The following DOCK4 variants were observed in gnomAD, a reference collection of about 807,000 sequenced individuals.
DOCK4 encodes the protein dedicator of cytokinesis protein 4.
Under a neutral mutation model 268.1 loss-of-function variants are expected in DOCK4, and 97 were observed. The observed-to-expected ratio is 0.36, with a 90% confidence interval of 0.31 to 0.43. The LOEUF is 0.43. Ranked by LOEUF, DOCK4 falls within the 20% of genes least tolerant of loss-of-function variation. The pLI is 1.00. For missense variants in DOCK4, 2,145 were observed against 2,455.7 expected, an observed-to-expected ratio of 0.87 and a Z score of 2.67; for synonymous variants, 954 against 887.2, an observed-to-expected ratio of 1.08 and a Z score of -1.34.
intron 13 of DOCK4, among the ~76,000 whole-genome samples, chr7:111,914,741 T>C (rs925879234): frequency 5.9e-5 from 9 of 152,218 alleles, no homozygotes; most frequent in African/African-American, 2.2e-4. Flanking sequence ...TTACCTACAC[T>C]GGTTTTCACC....
intron 1 of DOCK4, among the ~76,000 whole-genome samples, chr7:112,024,256 A>G (rs1802581841): frequency 6.6e-6 from 1 of 152,206 alleles, no homozygotes; most frequent in African/African-American, 2.4e-5. Flanking sequence ...GGCTTTAAAT[A>G]TCATCTAAAC....
At chr7:111,748,989 A>G (rs1476089973) in intron 42 of DOCK4, among the ~76,000 whole-genome samples, 3 of 152,182 alleles carry the variant, frequency 2.0e-5, no homozygotes, top group African/African-American at 7.2e-5. Flanking sequence ...TATGTTATAT[A>G]ACGTTCAAAA....
chr7:111,870,643 A>T (rs1286429303), intron 20 of DOCK4, among the ~76,000 whole-genome samples: 1 of 152,148 alleles, frequency 6.6e-6, no homozygotes, highest in Admixed American at 6.5e-5. Context: ...TCTAGGAAAC[A>T]GTTTACCCAG....
In DOCK4 at chr7:111,872,360, A is replaced by G. The variant is rs377584556; in HGVS notation, c.1843-8T>C. ...CAGTGTATCCTGCAGAAACTGTTAG[A>G]TAAAGAAGTAGCAAATGAGTAAATA... On this transcript the variant is annotated splice_polypyrimidine_tract_variant and splice_region_variant and intron_variant, in intron 18 of 52. Coordinates refer to ENST00000428084, the MANE Select transcript of DOCK4 (RefSeq NM_001363540.2). 113 of 1,542,700 alleles carry G rather than the reference A, an allele frequency of 7.3e-5. No homozygotes were observed. Among genetic ancestry groups the G allele is most frequent in the Non-Finnish European group, 8.0e-5 (92 of 1,143,396 alleles).
At chr7:111,861,121 G>A (rs1354209014) in intron 23 of DOCK4, among the ~76,000 whole-genome samples, 1 of 152,090 alleles carries the variant, frequency 6.6e-6, no homozygotes, top group African/African-American at 2.4e-5. Flanking sequence ...TGCTCCGTTG[G>A]GACCTACATC....
chr7:112,059,692 T>C lies in DOCK4; in HGVS notation c.38-55561A>G, dbSNP rs898983086. On this transcript the variant is annotated intron_variant, in intron 1 of 52. Coordinates refer to ENST00000428084, the MANE Select transcript of DOCK4 (RefSeq NM_001363540.2). ...CAGAGATAGTTAACTAATGCAATAA[T>C]TGATTCAAGATTTTAGGAAAACATG... is the stretch of plus-strand genomic sequence containing the variant. Among the ~76,000 whole-genome samples, 8 of 152,288 alleles carry C rather than the reference T, an allele frequency of 5.3e-5. No individual in the cohort carries two copies. In the South Asian group the frequency reaches 8.3e-4, roughly 16 times the overall value.
intron 23 of DOCK4, among the ~76,000 whole-genome samples, chr7:111,860,014 A>G (rs953592987): frequency 3.9e-5 from 6 of 152,198 alleles, no homozygotes; most frequent in Non-Finnish European, 7.3e-5. Context: ...CCAGTCAGAC[A>G]GAATCAGCCT....
At chr7:112,019,346 C>T (rs1222672130) in intron 1 of DOCK4, among the ~76,000 whole-genome samples, 1 of 152,100 alleles carries the variant, frequency 6.6e-6, no homozygotes, top group African/African-American at 2.4e-5. Context: ...GACTTTTTCT[C>T]CTTTTATTAA....
At chr7:111,863,623 A>G in intron 22 of DOCK4, 59 bp from the exon 23 acceptor site, 3 of 1,480,644 alleles carry the variant, frequency 2.0e-6, no homozygotes, top group Non-Finnish European at 2.7e-6. Flanking sequence ...AATATGCTGC[A>G]AAACGTCAGT....
At chr7:112,167,059 C>G (rs1162504373) in intron 1 of DOCK4, among the ~76,000 whole-genome samples, 1 of 152,156 alleles carries the variant, frequency 6.6e-6, no homozygotes. Flanking sequence ...AAACACATCT[C>G]CAACAGTTCT....
At chr7:111,941,602 A>G (rs1795197794) in intron 10 of DOCK4, among the ~76,000 whole-genome samples, 1 of 151,992 alleles carries the variant, frequency 6.6e-6, no homozygotes, top group Non-Finnish European at 1.5e-5. Flanking sequence ...TTCTGAGTGG[A>G]GCACTTCAAA....
At chr7:111,898,497 ATTAT>A (rs1264026447) in intron 15 of DOCK4, among the ~76,000 whole-genome samples, 3 of 152,184 alleles carry the variant, frequency 2.0e-5, no homozygotes, top group Non-Finnish European at 4.4e-5. Context: ...TTTCTCAGCT[ATTAT>A]CTGTCTTTCC....
At chr7:112,082,971 T>C (rs886742640) in intron 1 of DOCK4, among the ~76,000 whole-genome samples, 8 of 152,140 alleles carry the variant, frequency 5.3e-5, no homozygotes, top group African/African-American at 1.9e-4. Context: ...AGATGGTCAA[T>C]TTAAAGTCCA....
chr7:112,091,669 A>C (rs1809641100), intron 1 of DOCK4, among the ~76,000 whole-genome samples: 1 of 152,146 alleles, frequency 6.6e-6, no homozygotes. Flanking sequence ...ACCAGCCCTG[A>C]AAAGAGCAGA....
intron 8 of DOCK4, among the ~76,000 whole-genome samples, chr7:111,974,593 G>C (rs781476969): frequency 6.7e-6 from 1 of 148,738 alleles, no homozygotes; most frequent in African/African-American, 2.5e-5. Context: ...GGGATGGGGA[G>C]GAGGGTGACA....
chr7:111,813,563 C>A (rs758053811), intron 27 of DOCK4, among the ~76,000 whole-genome samples: 1 of 152,092 alleles, frequency 6.6e-6, no homozygotes, highest in Non-Finnish European at 1.5e-5. Flanking sequence ...CTGTTACATG[C>A]GTGTGCATTT....
At chr7:111,891,411 A>G (rs1808278846) in intron 16 of DOCK4, among the ~76,000 whole-genome samples, 1 of 152,224 alleles carries the variant, frequency 6.6e-6, no homozygotes, top group African/African-American at 2.4e-5. Context: ...CCATGCATAT[A>G]AAATTATCCT....
intron 1 of DOCK4, among the ~76,000 whole-genome samples, chr7:112,165,559 T>TGTGTGTGTGTGCGC (rs59052406): frequency 1.3e-5 from 2 of 148,254 alleles, no homozygotes; most frequent in East Asian, 2.0e-4. Flanking sequence ...TGTGTGTGTG[T>TGTGTGTGTGTGCGC]GCGTGTGTGT....
At chr7:112,128,382 C>G (rs985547614) in intron 1 of DOCK4, among the ~76,000 whole-genome samples, 3 of 152,154 alleles carry the variant, frequency 2.0e-5, no homozygotes, top group Non-Finnish European at 2.9e-5. Flanking sequence ...AAGTGAGGAG[C>G]CCCTCTGCCA....
Sources: gnomAD v4.1 joint callset for allele counts (sites outside exome capture counted in the v4.1 genomes callset) on GRCh38, gnomAD v4.1.1 for gene constraint, MANE v1.5 for transcripts, NCBI Gene and HGNC (gene_info 2026-07-23, HGNC 2026-07-21) for gene names.